The following PEX7 variants were observed in gnomAD, a reference collection of about 807,000 sequenced individuals.
PEX7 encodes PTS2 receptor.
Under a neutral mutation model 47.5 loss-of-function variants are expected in PEX7, and 34 were observed. The ratio of observed to expected loss-of-function variants is 0.72; its 90% CI spans 0.54 to 0.95. The LOEUF (loss-of-function observed/expected upper bound fraction) is 0.95, where lower values mean the gene tolerates loss of function less well. Among genes scored for constraint, PEX7 ranks in the 40% least tolerant of loss-of-function variants. The probability of loss-of-function intolerance (pLI) is 0.00; values close to 1 mark genes in which losing one functional copy is unlikely to be tolerated. For synonymous variants in PEX7, 141 were observed against 148.8 expected, an observed-to-expected ratio of 0.95 and a Z score of 0.38; for missense variants, 394 against 400.3, an observed-to-expected ratio of 0.98 and a Z score of 0.13.
In PEX7 at chr6:136,822,754, G is replaced by A. The variant is rs1034489569; in HGVS notation, c.89G>A (p.Gly30Asp). 2.7e-6 allele frequency: 4 copies of A among 1,481,932 alleles called. No individual in the cohort carries two copies. The highest frequency in any genetic ancestry group is 2.5e-5 in the South Asian group (2 of 78,920). 91.8% of individuals were successfully genotyped at this position (1,481,932 alleles called of 1,614,324 possible). A position where few individuals can be genotyped will look rare whatever the true frequency, so the allele number is the denominator to read the frequency against. ...YAAEFSPYLP[G>D]RLACATAQHY... ...GCCGAGTTCTCCCCGTACCTGCCGG[G>A]CCGCCTGGCCTGCGCCACCGCGCAG... Residue 30 changes from glycine (G) to aspartate (D), a missense_variant, in exon 1 of 10, where the codon GGC becomes GAC. Transcript: ENST00000318471.
chr6:136,911,646 A>T (rs1483790818), intron 9 of PEX7, among the ~76,000 whole-genome samples: 1 of 152,108 alleles, frequency 6.6e-6, no homozygotes, highest in African/African-American at 2.4e-5. Context: ...ACCTGAGGTG[A>T]TCCATCTGCC....
At chr6:136,874,560 T>C (rs541249899) in intron 8 of PEX7, among the ~76,000 whole-genome samples, 42 of 151,224 alleles carry the variant, frequency 2.8e-4, no homozygotes, top group Non-Finnish European at 5.7e-4. Context: ...TAATCCCAGC[T>C]ACTTGGGAGG....
chr6:136,908,749 C>T (rs931323610), intron 9 of PEX7, among the ~76,000 whole-genome samples: 6 of 152,188 alleles, frequency 3.9e-5, no homozygotes, highest in African/African-American at 7.2e-5. Context: ...GATTGAGTTT[C>T]GTCAGAGGAG....
chr6:136,836,708 T>G (rs920705764), intron 3 of PEX7, among the ~76,000 whole-genome samples: 1 of 152,312 alleles, frequency 6.6e-6, no homozygotes, highest in African/African-American at 2.4e-5. Flanking sequence ...ATCCCAGCAC[T>G]TTGGGAGATC....
chr6:136,843,146 A>G (rs1774532870), intron 3 of PEX7, among the ~76,000 whole-genome samples: 1 of 152,198 alleles, frequency 6.6e-6, no homozygotes, highest in African/African-American at 2.4e-5. Context: ...TGGACTCTGC[A>G]ATTAGGCTGC....
Position 136,905,844 on chromosome 6 carries a change from T to C in PEX7, c.903+7603T>C, listed in dbSNP as rs567258066. On this transcript the variant is annotated intron_variant, in intron 9 of 9. Transcript: ENST00000318471. ...CTTCAGTATTCCTAACCTGGTCAGT[T>C]GATTGCATTTCGGGGCCATACTAGA... 2.6e-5 allele frequency among the ~76,000 whole-genome samples: 4 copies of C among 152,348 alleles called. No homozygotes were observed. In the South Asian group the frequency reaches 8.3e-4, roughly 32 times the overall value.
intron 8 of PEX7, among the ~76,000 whole-genome samples, chr6:136,875,556 G>GAACAATT (rs1314836671): frequency 2.6e-5 from 4 of 152,138 alleles, no homozygotes; most frequent in African/African-American, 9.7e-5. Context: ...GAAATTTGGG[G>GAACAATT]GAAGTGGAAC....
At position 136,899,121 on chromosome 6, in the gene PEX7, C is replaced by T. The variant is rs529783987; in HGVS notation, c.903+880C>T. ...TTTGAGACAGAGTTTCACACTGTCA[C>T]CCAGGCTGGAGTGCAGTGGTGCAAT... On this transcript the variant is annotated intron_variant, in intron 9 of 9. Coordinates refer to ENST00000318471, the MANE Select transcript of PEX7 (RefSeq NM_000288.4). 1.1e-4 allele frequency among the ~76,000 whole-genome samples: 15 copies of T among 140,596 alleles called. No homozygotes were observed. The South Asian group carries it at 3.2e-3, about 30-fold the overall frequency. The allele number at this position is 140,596 out of a possible 152,430, so 92.2% of individuals were successfully genotyped here. A position where few individuals can be genotyped will look rare whatever the true frequency, so the allele number is the denominator to read the frequency against.
intron 5 of PEX7, among the ~76,000 whole-genome samples, chr6:136,862,022 T>C (rs935259445): frequency 6.9e-6 from 1 of 144,516 alleles, no homozygotes; most frequent in Admixed American, 7.0e-5. Flanking sequence ...TCTGTATTTA[T>C]ATATATATAT....
intron 8 of PEX7, among the ~76,000 whole-genome samples, chr6:136,876,106 C>T (rs894757562): frequency 1.8e-4 from 27 of 151,610 alleles, no homozygotes; most frequent in African/African-American, 5.8e-4. Context: ...GGCACAATCT[C>T]GGCTCACTGC....
At chr6:136,887,571 T>G (rs1179753397) in intron 8 of PEX7, among the ~76,000 whole-genome samples, 1 of 152,212 alleles carries the variant, frequency 6.6e-6, no homozygotes, top group Non-Finnish European at 1.5e-5. Flanking sequence ...AGTTTATTTT[T>G]AAATGGTTCA....
intron 5 of PEX7, among the ~76,000 whole-genome samples, chr6:136,862,128 G>C (rs553488901): frequency 6.8e-6 from 1 of 148,074 alleles, no homozygotes; most frequent in African/African-American, 2.5e-5. Flanking sequence ...GTTAAGGGGC[G>C]TGATCTCAGC....
intron 5 of PEX7, among the ~76,000 whole-genome samples, chr6:136,848,248 A>G (rs1472302364): frequency 1.3e-5 from 2 of 152,178 alleles, no homozygotes; most frequent in African/African-American, 4.8e-5. Flanking sequence ...TTGGGCTGAG[A>G]CGGTGGGGTT....
intron 8 of PEX7, among the ~76,000 whole-genome samples, chr6:136,876,147 C>T (rs1009142032): frequency 2.0e-5 from 3 of 152,012 alleles, no homozygotes; most frequent in Non-Finnish European, 2.9e-5. Flanking sequence ...ACACCATTCT[C>T]CTGCCTCAGC....
chr6:136,828,628 G>A (rs148269662), intron 3 of PEX7, among the ~76,000 whole-genome samples: 2 of 152,116 alleles, frequency 1.3e-5, no homozygotes, highest in African/African-American at 4.8e-5. Context: ...TGATCTGTAC[G>A]TCTTTCATCC....
chr6:136,880,911 G>T (rs1046128007), intron 8 of PEX7, among the ~76,000 whole-genome samples: 2 of 152,192 alleles, frequency 1.3e-5, no homozygotes, highest in Non-Finnish European at 2.9e-5. Context: ...GCTCTCAAAA[G>T]TGTACTTTAA....
chr6:136,862,463 C>T (rs980578223), intron 5 of PEX7, among the ~76,000 whole-genome samples: 4 of 151,540 alleles, frequency 2.6e-5, no homozygotes, highest in Admixed American at 2.0e-4. Context: ...GCAGCCTTGA[C>T]CTCCCGGACT....
chr6:136,880,285 T>C (rs1775354255), intron 8 of PEX7, among the ~76,000 whole-genome samples: 1 of 152,236 alleles, frequency 6.6e-6, no homozygotes, highest in South Asian at 2.1e-4. Flanking sequence ...TCCTTCCTTT[T>C]AATTTTCTTT....
chr6:136,840,257 A>G (rs944929680), intron 3 of PEX7, among the ~76,000 whole-genome samples: 5 of 152,214 alleles, frequency 3.3e-5, no homozygotes, highest in Admixed American at 6.5e-5. Context: ...AACATTACCT[A>G]TACCATTAGC....
Sources: allele counts gnomAD v4.1 joint callset (sites outside exome capture counted in the v4.1 genomes callset), GRCh38; gene constraint gnomAD v4.1.1; transcripts MANE v1.5; gene names NCBI Gene and HGNC (gene_info 2026-07-23, HGNC 2026-07-21).